Variants in ELAPOR1 observed in about 807,000 individuals in gnomAD.
The protein encoded by ELAPOR1 is endosome/lysosome-associated apoptosis and autophagy regulator 1.
ELAPOR1 carries 77 observed loss-of-function variants against 119.7 expected under a neutral mutation model. The observed-to-expected ratio is 0.64, with a 90% CI of 0.54 to 0.78. The LOEUF (loss-of-function observed/expected upper bound fraction) is 0.78, where lower values mean the gene tolerates loss of function less well. Among genes scored for constraint, ELAPOR1 ranks in the 30% least tolerant of loss-of-function variants. The pLI is 0.00. For missense variants in ELAPOR1, 1,115 were observed against 1,270.4 expected (o/e 0.88, Z 1.86); for synonymous variants, 481 against 487.2 (o/e 0.99, Z 0.17).
In ELAPOR1 at chr1:109,189,683, G is replaced by T; in HGVS notation, c.1439+1G>T. 1 of 1,613,524 alleles carries T rather than the reference G, an allele frequency of 6.2e-7. No homozygotes were observed. The highest frequency in any genetic ancestry group is 1.3e-5 in the African/African-American group (1 of 75,010). Reference sequence around the variant, plus strand: ...TCACTCTGGTTGTGCCAGGATTTAGGTGAGGAATCCAAAGCCCAGGGGAGT... The same window carrying T: ...TCACTCTGGTTGTGCCAGGATTTAGTTGAGGAATCCAAAGCCCAGGGGAGT... On this transcript the variant is annotated splice_donor_variant, in intron 11 of 21. Coordinates refer to ENST00000369939, the MANE Select transcript of ELAPOR1 (RefSeq NM_020775.5). LOFTEE classifies it high-confidence loss of function.
intron 3 of ELAPOR1, among the ~76,000 whole-genome samples, chr1:109,169,996 A>G (rs1438855987): frequency 6.6e-6 from 1 of 152,250 alleles, no homozygotes; most frequent in African/African-American, 2.4e-5. Flanking sequence ...ATGCAGTAGT[A>G]AAGACGAAGC....
chr1:109,201,094 C>T (rs75769696), intron 21 of ELAPOR1, among the ~76,000 whole-genome samples, 194 bp downstream of exon 21: 3,177 of 152,272 alleles, frequency 0.021, 104 homozygotes, highest in African/African-American at 0.073. Flanking sequence ...TCCCCCGGGG[C>T]CCAAGGCTGC....
intron 7 of ELAPOR1, among the ~76,000 whole-genome samples, chr1:109,182,095 G>A (rs958792890): frequency 1.3e-4 from 20 of 152,138 alleles, no homozygotes; most frequent in Non-Finnish European, 1.9e-4. Context: ...ACTTTGGGAC[G>A]CTAAGGCAGG....
intron 21 of ELAPOR1, 101 bp from the exon 22 acceptor site, chr1:109,202,843 T>C (rs1654263584): frequency 3.6e-6 from 4 of 1,116,174 alleles, no homozygotes; most frequent in Non-Finnish European, 5.5e-6. Flanking sequence ...GAAACAGGAA[T>C]TTCATAAGGG....
intron 7 of ELAPOR1, among the ~76,000 whole-genome samples, chr1:109,181,197 G>A (rs939433452): frequency 2.6e-5 from 4 of 152,144 alleles, no homozygotes; most frequent in African/African-American, 9.7e-5. Flanking sequence ...GAAACCCTCA[G>A]GAGAAATGTT....
chr1:109,182,354 TAATAATAA>T (rs1652750624), intron 7 of ELAPOR1, among the ~76,000 whole-genome samples: 1 of 151,086 alleles, frequency 6.6e-6, no homozygotes, highest in Non-Finnish European at 1.5e-5. Flanking sequence ...ATAATAATAA[TAATAATAA>T]TTCCCAAACA....
chr1:109,138,517 T>A (rs139326909), intron 1 of ELAPOR1, among the ~76,000 whole-genome samples: 1 of 151,006 alleles, frequency 6.6e-6, no homozygotes, highest in Non-Finnish European at 1.5e-5. Flanking sequence ...GAGGCCTAGA[T>A]AAAATGTCAA....
At chr1:109,170,328 G>C (rs1651847593) in intron 3 of ELAPOR1, among the ~76,000 whole-genome samples, 1 of 152,094 alleles carries the variant, frequency 6.6e-6, no homozygotes, top group Non-Finnish European at 1.5e-5. Context: ...ATGGGTCGGG[G>C]AGTGTTCATT....
chr1:109,159,580 T>C (rs1192635710), intron 1 of ELAPOR1, among the ~76,000 whole-genome samples: 1 of 152,188 alleles, frequency 6.6e-6, no homozygotes, highest in African/African-American at 2.4e-5. Flanking sequence ...GGCTGTTAAA[T>C]TTGGCCCTGT....
chr1:109,198,691 G>A lies in ELAPOR1; in HGVS notation c.2501+17G>A, dbSNP rs1176163410. The A allele has an allele frequency of 6.2e-7, 1 of 1,606,382 alleles. No homozygotes were observed. The highest frequency in any genetic ancestry group is 8.5e-7 in the Non-Finnish European group (1 of 1,175,784). ...GCTGCCAGGGTAAGCCCTGCAAAGG[G>A]ATGTAACAAAGGCCAAAATCTCCCT... On this transcript the variant is annotated intron_variant, in intron 18 of 21. Coordinates refer to ENST00000369939, the MANE Select transcript of ELAPOR1 (RefSeq NM_020775.5).
At chr1:109,198,877 A>T (rs1027656631) in intron 18 of ELAPOR1, among the ~76,000 whole-genome samples, 1 of 152,224 alleles carries the variant, frequency 6.6e-6, no homozygotes, top group Non-Finnish European at 1.5e-5. Flanking sequence ...AGCTATTCTC[A>T]TATTCCTGGT....
chr1:109,183,752 G>T (rs1570703938), intron 7 of ELAPOR1, among the ~76,000 whole-genome samples: 1 of 151,958 alleles, frequency 6.6e-6, no homozygotes, highest in African/African-American at 2.4e-5. Flanking sequence ...AAGTAGCTGG[G>T]ACTATAGGCC....
chr1:109,160,160 A>G (rs1651155713), intron 1 of ELAPOR1, among the ~76,000 whole-genome samples: 1 of 152,126 alleles, frequency 6.6e-6, no homozygotes, highest in South Asian at 2.1e-4. Flanking sequence ...TTGGCTGGGC[A>G]TGGTGTTGCA....
Position 109,164,502 on chromosome 1 carries a change from TCTC to T in ELAPOR1, c.281_283del (p.Ser94del). The T allele has an allele frequency of 6.2e-7, 1 of 1,608,490 alleles. No individual in the cohort carries two copies. The highest frequency in any genetic ancestry group is 8.5e-7 in the Non-Finnish European group (1 of 1,175,848). ...TTGTCTCTGCCCTGTTTTCCAGCCTTCTCCTGCAACGCCGGGGAGTTTCTGGAT... is the reference window on the plus strand; with the variant it reads ...TTGTCTCTGCCCTGTTTTCCAGCCTTCTGCAACGCCGGGGAGTTTCTGGAT... On this transcript the variant is annotated inframe_deletion, in exon 3 of 22. Transcript: ENST00000369939.
At chr1:109,127,337 C>T (rs1409525955) in intron 1 of ELAPOR1, among the ~76,000 whole-genome samples, 2 of 147,992 alleles carry the variant, frequency 1.4e-5, no homozygotes, top group Non-Finnish European at 2.9e-5. Context: ...GCCTCAGCCT[C>T]CCAAGTAGCT....
chr1:109,130,524 G>A (rs1382865342), intron 1 of ELAPOR1, among the ~76,000 whole-genome samples: 1 of 150,414 alleles, frequency 6.6e-6, no homozygotes, highest in East Asian at 1.9e-4. Context: ...TATTTTTATT[G>A]AAAATAGAGA....
At chr1:109,174,413 T>TAAAAAAAAAAAAAAAA (rs59275691) in intron 7 of ELAPOR1, among the ~76,000 whole-genome samples, 1 of 42,044 alleles carries the variant, frequency 2.4e-5, no homozygotes, top group South Asian at 1.6e-3. Context: ...ACCCTGTCTC[T>TAAAAAAAAAAAAAAAA]AAAAAAAAAA....
intron 8 of ELAPOR1, chr1:109,186,838 G>A (rs1304214563): frequency 1.6e-5 from 16 of 985,364 alleles, no homozygotes; most frequent in Non-Finnish European, 1.9e-5. Context: ...TACCGTGCTT[G>A]CTGCCTGAAA....
intron 1 of ELAPOR1, among the ~76,000 whole-genome samples, chr1:109,148,252 C>T (rs1650310553): frequency 1.2e-5 from 1 of 81,042 alleles, no homozygotes; most frequent in African/African-American, 3.2e-5. Flanking sequence ...GATTCTCCTG[C>T]CTCAGTCCCC....
Sources: allele counts gnomAD v4.1 joint callset (sites outside exome capture counted in the v4.1 genomes callset), GRCh38; gene constraint gnomAD v4.1.1; transcripts MANE v1.5; gene names NCBI Gene and HGNC (gene_info 2026-07-23, HGNC 2026-07-21).